Variants in SPATA16 observed in about 807,000 individuals in gnomAD.
The protein encoded by SPATA16 is spermatogenesis-associated protein 16.
SPATA16 carries 36 observed loss-of-function variants against 63.3 expected under a neutral mutation model. The observed-to-expected ratio is 0.57, with a 90% CI of 0.44 to 0.75. The LOEUF is 0.75. Among genes scored for constraint, SPATA16 ranks in the 30% least tolerant of loss-of-function variants. The pLI is 0.00. For synonymous variants in SPATA16, 203 were observed against 216.7 expected, an observed-to-expected ratio of 0.94 and a Z score of 0.56; for missense variants, 646 against 679.3, an observed-to-expected ratio of 0.95 and a Z score of 0.54.
At chr3:173,025,801 A>G (rs1735437793) in intron 3 of SPATA16, among the ~76,000 whole-genome samples, 2 of 151,958 alleles carry the variant, frequency 1.3e-5, no homozygotes, top group South Asian at 4.1e-4. Context: ...GCTTCCTTTT[A>G]CTGCTTAACT....
At chr3:172,958,552 A>G (rs1241358584) in intron 5 of SPATA16, among the ~76,000 whole-genome samples, 1 of 152,182 alleles carries the variant, frequency 6.6e-6, no homozygotes, top group Non-Finnish European at 1.5e-5. Context: ...GGCTGACTTT[A>G]CTGCCTTTGT....
chr3:172,994,356 A>C (rs1734650285), intron 4 of SPATA16, among the ~76,000 whole-genome samples: 1 of 152,178 alleles, frequency 6.6e-6, no homozygotes, highest in Non-Finnish European at 1.5e-5. Flanking sequence ...AAGAGGCGTT[A>C]ATTCTACTGG....
chr3:173,049,227 A>G, intron 2 of SPATA16, 133 bp from the exon 3 acceptor site: 2 of 875,018 alleles, frequency 2.3e-6, no homozygotes, highest in Non-Finnish European at 3.4e-6. Flanking sequence ...CGTATATGTT[A>G]AAAGTATATA....
At chr3:172,911,368 T>G (rs2109559336) in intron 10 of SPATA16, among the ~76,000 whole-genome samples, 1 of 152,192 alleles carries the variant, frequency 6.6e-6, no homozygotes, top group South Asian at 2.1e-4. Context: ...GGAGTCTGAG[T>G]TTTGGCTTAG....
rs189479827 is a variant in SPATA16 at position 172,965,208 on chromosome 3, T to C, written c.934-8384A>G. Among the ~76,000 whole-genome samples, 552 of 152,358 alleles carry C rather than the reference T, an allele frequency of 3.6e-3. 3 individuals are homozygous for C. Among genetic ancestry groups the C allele is most frequent in the African/African-American group, 0.013 (539 of 41,586 alleles). Reference sequence around the variant, plus strand: ...TAAAGAGCTTCTACAACATGGTGAATTTCACACAGCTACTTCATGACAGAG... The same window carrying C: ...TAAAGAGCTTCTACAACATGGTGAACTTCACACAGCTACTTCATGACAGAG... On this transcript the variant is annotated intron_variant, in intron 5 of 10. Coordinates refer to ENST00000351008, the MANE Select transcript of SPATA16 (RefSeq NM_031955.6).
chr3:173,109,565 T>A (rs1737700422), intron 2 of SPATA16, among the ~76,000 whole-genome samples: 1 of 152,242 alleles, frequency 6.6e-6, no homozygotes. Flanking sequence ...GTATCTTAAA[T>A]CTTCTAATTT....
chr3:172,983,508 T>C (rs1484697211), intron 4 of SPATA16, among the ~76,000 whole-genome samples: 1 of 152,200 alleles, frequency 6.6e-6, no homozygotes, highest in Non-Finnish European at 1.5e-5. Context: ...GAGGTATGTG[T>C]ATGAGATCTA....
chr3:172,958,835 C>G (rs1733669615), intron 5 of SPATA16, among the ~76,000 whole-genome samples: 1 of 151,888 alleles, frequency 6.6e-6, no homozygotes, highest in South Asian at 2.1e-4. Flanking sequence ...AGCATGCAGT[C>G]ATATTGGATT....
In SPATA16 at chr3:172,939,141, A is replaced by G. The variant is rs116459529; in HGVS notation, c.1082-13649T>C. Among the ~76,000 whole-genome samples the G allele has an allele frequency of 2.8e-3, 419 of 152,296 alleles. 2 individuals carry two copies. The highest frequency in any genetic ancestry group is 9.9e-3 in the African/African-American group (411 of 41,572). On this transcript the variant is annotated intron_variant, in intron 6 of 10. Transcript: ENST00000351008. Reference sequence around the variant, plus strand: ...CTCTCCATGCATTATGATTTTGCTTATAACTTCTGCCTTCCTAAAATTTAC... The same window carrying G: ...CTCTCCATGCATTATGATTTTGCTTGTAACTTCTGCCTTCCTAAAATTTAC...
Position 173,071,527 on chromosome 3 carries a change from C to T in SPATA16, c.613-22433G>A, listed in dbSNP as rs867269022. ...AGCAACAAAGTGAAGGGACAACCCACAGGATGGGAGAAAATATTTGCAGAC... is the reference window on the plus strand; with the variant it reads ...AGCAACAAAGTGAAGGGACAACCCATAGGATGGGAGAAAATATTTGCAGAC... On this transcript the variant is annotated intron_variant, in intron 2 of 10. Transcript: ENST00000351008. 2.0e-4 allele frequency among the ~76,000 whole-genome samples: 30 copies of T among 152,188 alleles called. 1 individual carries two copies. The highest frequency in any genetic ancestry group is 6.8e-3 in the Middle Eastern group (2 of 294).
At chr3:173,019,664 A>G (rs1302232083) in intron 3 of SPATA16, 89 bp from the exon 4 acceptor site, 5 of 1,183,656 alleles carry the variant, frequency 4.2e-6, no homozygotes, top group Non-Finnish European at 6.3e-6. Context: ...CAGGCATTCA[A>G]TTTTATATAC....
intron 10 of SPATA16, among the ~76,000 whole-genome samples, chr3:172,895,169 T>C (rs529437539): frequency 4.6e-5 from 7 of 152,310 alleles, no homozygotes; most frequent in African/African-American, 7.2e-5. Context: ...TGCAAAACTG[T>C]AGAATTCTAC....
At chr3:173,098,328 C>T (rs1737409855) in intron 2 of SPATA16, among the ~76,000 whole-genome samples, 2 of 152,188 alleles carry the variant, frequency 1.3e-5, no homozygotes, top group African/African-American at 2.4e-5. Flanking sequence ...ATCAAGGCCA[C>T]GTGCACGCAT....
intron 2 of SPATA16, among the ~76,000 whole-genome samples, chr3:173,063,047 A>G (rs7631961): frequency 0.18 from 27,547 of 152,004 alleles, 2,544 homozygotes; most frequent in South Asian, 0.23. Context: ...GTCTTAGAGG[A>G]ACAAATGTGA....
At chr3:172,962,225 G>A (rs370597660) in intron 5 of SPATA16, among the ~76,000 whole-genome samples, 2 of 128,488 alleles carry the variant, frequency 1.6e-5, no homozygotes, top group Middle Eastern at 5.2e-3. Flanking sequence ...CTGCACTCCA[G>A]CCTGGGCAAC....
intron 3 of SPATA16, among the ~76,000 whole-genome samples, chr3:173,027,980 TCC>T (rs1735491586): frequency 2.9e-5 from 1 of 34,592 alleles, no homozygotes; most frequent in African/African-American, 1.4e-4. Context: ...TTTTTCTCCC[TCC>T]CTCCCTCCCT....
At chr3:172,922,931 AAAACAAAAAAC>A (rs1732645521) in intron 8 of SPATA16, among the ~76,000 whole-genome samples, 1 of 152,130 alleles carries the variant, frequency 6.6e-6, no homozygotes, top group African/African-American at 2.4e-5. Flanking sequence ...CAAAAAACAA[AAAACAAAAAAC>A]AAACAAAAAA....
intron 1 of SPATA16, among the ~76,000 whole-genome samples, chr3:173,125,714 CT>C (rs1738209173): frequency 6.6e-6 from 1 of 152,216 alleles, no homozygotes; most frequent in African/African-American, 2.4e-5. Flanking sequence ...TATTTTACGT[CT>C]CTCCATGCCA....
At chr3:172,949,176 A>G (rs1733366825) in intron 6 of SPATA16, among the ~76,000 whole-genome samples, 1 of 152,046 alleles carries the variant, frequency 6.6e-6, no homozygotes. Flanking sequence ...TTTAAAATGG[A>G]TTTTTTTATG....
Sources: gnomAD v4.1 joint callset for allele counts (sites outside exome capture counted in the v4.1 genomes callset) on GRCh38, gnomAD v4.1.1 for gene constraint, MANE v1.5 for transcripts, NCBI Gene and HGNC (gene_info 2026-07-23, HGNC 2026-07-21) for gene names.